Variants in MYO3A observed in about 807,000 individuals in gnomAD.
MYO3A encodes the protein myosin-IIIa.
In MYO3A, 180 loss-of-function variants were observed where a neutral mutation model predicts 192.7. That is an observed-to-expected ratio of 0.93 (90% CI 0.83 to 1.06). The LOEUF (loss-of-function observed/expected upper bound fraction) is 1.06. Ranked by LOEUF, MYO3A falls within the 50% of genes least tolerant of loss-of-function variation. The pLI is 0.00. For synonymous variants in MYO3A, 628 were observed against 645.3 expected (o/e 0.97, Z 0.41); for missense variants, 1,896 against 1,905.0 (o/e 1.00, Z 0.09).
rs1188562362 is a variant in MYO3A, at chr10:26,107,465, G to C, written c.1776+10783G>C. On this transcript the variant is annotated intron_variant, in intron 17 of 34. Coordinates refer to ENST00000642920, the MANE Select transcript of MYO3A (RefSeq NM_017433.5). Reference sequence around the variant, plus strand: ...CATTGCACTCCAGCCTGGGCGAAAAGAGTGAAACACCATCTCAAAAAAAAA... The same window carrying C: ...CATTGCACTCCAGCCTGGGCGAAAACAGTGAAACACCATCTCAAAAAAAAA... 2.2e-5 allele frequency among the ~76,000 whole-genome samples: 3 copies of C among 136,306 alleles called. No homozygotes were observed. In the East Asian group the frequency reaches 6.4e-4, roughly 29 times the overall value. The allele number at this position is 136,306 out of a possible 152,430, so 89.4% of individuals were successfully genotyped here. A position where few individuals can be genotyped will look rare whatever the true frequency, so the allele number is the denominator to read the frequency against.
At chr10:25,963,475 A>C (rs1056400871) in intron 4 of MYO3A, among the ~76,000 whole-genome samples, 6 of 152,320 alleles carry the variant, frequency 3.9e-5, no homozygotes, top group South Asian at 2.1e-4. Context: ...CTTTAATGCT[A>C]CTGCCCTGGA....
intron 6 of MYO3A, among the ~76,000 whole-genome samples, chr10:26,014,128 T>C (rs1588777667): frequency 6.6e-6 from 1 of 151,682 alleles, no homozygotes; most frequent in African/African-American, 2.4e-5. Context: ...CAGAAGAGAG[T>C]GAGCGGGAGT....
chr10:26,053,664 A>G (rs1844140990), intron 10 of MYO3A, among the ~76,000 whole-genome samples: 1 of 152,092 alleles, frequency 6.6e-6, no homozygotes, highest in African/African-American at 2.4e-5. Flanking sequence ...TCTCTACTAA[A>G]AACACAAAAA....
intron 20 of MYO3A, among the ~76,000 whole-genome samples, chr10:26,136,119 C>A (rs1178354705): frequency 1.3e-5 from 2 of 152,074 alleles, no homozygotes; most frequent in Admixed American, 6.6e-5. Context: ...GTGATCTGTA[C>A]AAAGACAGCA....
At chr10:26,021,900 G>C in intron 8 of MYO3A, 1 of 488,904 alleles carries the variant, frequency 2.0e-6, no homozygotes, top group Non-Finnish European at 3.7e-6. Context: ...TTTGATTTCA[G>C]AAAATAGCAG....
intron 5 of MYO3A, 56 bp from the exon 6 acceptor site, chr10:25,997,103 A>C: frequency 7.1e-7 from 1 of 1,418,412 alleles, no homozygotes; most frequent in Non-Finnish European, 9.9e-7. Context: ...ATCATCTGAA[A>C]ATTTTTATTG....
At chr10:26,199,480 G>T (rs1042105100) in intron 32 of MYO3A, among the ~76,000 whole-genome samples, 1 of 152,138 alleles carries the variant, frequency 6.6e-6, no homozygotes, top group Non-Finnish European at 1.5e-5. Context: ...TAAGGTGGGA[G>T]GATCACTTGA....
chr10:26,094,984 T>G (rs531704064), intron 15 of MYO3A, among the ~76,000 whole-genome samples: 2 of 152,292 alleles, frequency 1.3e-5, no homozygotes, highest in South Asian at 4.1e-4. Flanking sequence ...TGAAAGTATT[T>G]CATTGGCCCC....
chr10:26,014,382 A>G (rs1175516923), intron 6 of MYO3A, among the ~76,000 whole-genome samples: 3 of 152,156 alleles, frequency 2.0e-5, no homozygotes, highest in African/African-American at 2.4e-5. Flanking sequence ...TAAACTTCAT[A>G]TAACTTTCAG....
intron 34 of MYO3A, among the ~76,000 whole-genome samples, chr10:26,206,093 C>T (rs1434686957): frequency 6.7e-6 from 1 of 149,844 alleles, no homozygotes; most frequent in Admixed American, 6.6e-5. Flanking sequence ...GTGAGTCTCG[C>T]TCTGTCATCT....
intron 10 of MYO3A, among the ~76,000 whole-genome samples, chr10:26,032,746 A>C (rs1415798015): frequency 6.6e-6 from 1 of 152,212 alleles, no homozygotes; most frequent in African/African-American, 2.4e-5. Flanking sequence ...AAAACAGAAC[A>C]ATGAAAAGAG....
At chr10:26,096,110 C>T (rs1464635538) in intron 15 of MYO3A, among the ~76,000 whole-genome samples, 2 of 152,204 alleles carry the variant, frequency 1.3e-5, no homozygotes, top group Non-Finnish European at 2.9e-5. Flanking sequence ...TTTGCTCCTG[C>T]TATATCCCCA....
chr10:25,939,890 T>A (rs1191525267), intron 2 of MYO3A, among the ~76,000 whole-genome samples: 1 of 152,002 alleles, frequency 6.6e-6, no homozygotes, highest in Non-Finnish European at 1.5e-5. Flanking sequence ...TTATTTGACA[T>A]GTTTTGGGGT....
chr10:26,158,386 G>T (rs1391271039), intron 26 of MYO3A, among the ~76,000 whole-genome samples: 5 of 151,752 alleles, frequency 3.3e-5, no homozygotes, highest in Non-Finnish European at 5.9e-5. Flanking sequence ...CCGACTAGCT[G>T]GGAGTACAGG....
chr10:26,097,024 T>C (rs911998235), intron 17 of MYO3A, among the ~76,000 whole-genome samples: 3 of 151,822 alleles, frequency 2.0e-5, no homozygotes, highest in Non-Finnish European at 4.4e-5. Flanking sequence ...AACAACTTTA[T>C]TAAGATATAA....
chr10:26,154,948 A>T, intron 25 of MYO3A, 125 bp downstream of exon 25: 2 of 837,832 alleles, frequency 2.4e-6, no homozygotes, highest in Non-Finnish European at 3.9e-6. Flanking sequence ...ATTGTTAGAT[A>T]CAGGATATGT....
At chr10:26,210,115 AAGGG>A (rs745627997) in intron 34 of MYO3A, among the ~76,000 whole-genome samples, 1,953 of 108,648 alleles carry the variant, frequency 0.018, 69 homozygotes, top group African/African-American at 0.082. Flanking sequence ...AGAGAGAGAG[AAGGG>A]AGGGAGGGAG....
chr10:26,043,473 T>G (rs1311257207), intron 10 of MYO3A, among the ~76,000 whole-genome samples: 2 of 152,078 alleles, frequency 1.3e-5, no homozygotes, highest in Non-Finnish European at 2.9e-5. Flanking sequence ...GTCAAGAACC[T>G]TGGAAACTTA....
At chr10:26,211,800 A>C (rs770024732) in intron 34 of MYO3A, 43 bp from the exon 35 acceptor site, 82 of 1,612,658 alleles carry the variant, frequency 5.1e-5, no homozygotes, top group Non-Finnish European at 6.9e-5. Context: ...CGCGCTGCTC[A>C]CTGTGGTGAG....
Sources: allele counts gnomAD v4.1 joint callset (sites outside exome capture counted in the v4.1 genomes callset), GRCh38; gene constraint gnomAD v4.1.1; transcripts MANE v1.5; gene names NCBI Gene and HGNC (gene_info 2026-07-23, HGNC 2026-07-21).